The following ESRRG variants were observed in gnomAD, a reference collection of about 807,000 sequenced individuals.
ESRRG encodes estrogen related receptor gamma, also known as estrogen-related receptor gamma.
A neutral mutation model predicts 44.0 loss-of-function variants in ESRRG; 13 were observed. That is an observed-to-expected ratio of 0.30 (90% CI 0.19 to 0.47). The LOEUF is 0.47. Ranked by LOEUF, ESRRG falls within the 20% of genes least tolerant of loss-of-function variation. ESRRG has a pLI of 1.00. For missense variants in ESRRG, 395 were observed against 580.6 expected, an observed-to-expected ratio of 0.68 and a Z score of 3.29; for synonymous variants, 215 against 214.6, an observed-to-expected ratio of 1.00 and a Z score of -0.02.
At chr1:217,045,590 G>A (rs886372921) in intron 1 of ESRRG, among the ~76,000 whole-genome samples, 1 of 152,222 alleles carries the variant, frequency 6.6e-6, no homozygotes, top group African/African-American at 2.4e-5. Context: ...GGAGGCACGA[G>A]GTTGCCCCAG....
chr1:216,679,647 T>TTA (rs1553491458), intron 1 of ESRRG, among the ~76,000 whole-genome samples: 1 of 151,218 alleles, frequency 6.6e-6, no homozygotes. Flanking sequence ...TTTTTTTTTT[T>TTA]ATCCAGAGGA....
intron 2 of ESRRG, among the ~76,000 whole-genome samples, chr1:216,871,851 A>C (rs2096264010): frequency 6.6e-6 from 1 of 152,080 alleles, no homozygotes; most frequent in East Asian, 1.9e-4. Context: ...AGAGAACTCA[A>C]GAGGAAAAGA....
chr1:216,707,156 CCTT>C (rs1338928515), intron 1 of ESRRG, among the ~76,000 whole-genome samples: 3 of 152,176 alleles, frequency 2.0e-5, no homozygotes, highest in African/African-American at 7.2e-5. Flanking sequence ...ACAACATAAA[CCTT>C]CTAGAGTTCA....
At chr1:217,112,900 A>G (rs2092675941) in intron 1 of ESRRG, among the ~76,000 whole-genome samples, 1 of 152,218 alleles carries the variant, frequency 6.6e-6, no homozygotes, top group Non-Finnish European at 1.5e-5. Context: ...GAGAATGTGT[A>G]AGCATCTGAA....
intron 1 of ESRRG, among the ~76,000 whole-genome samples, chr1:216,958,523 T>C (rs1406167014): frequency 1.3e-5 from 2 of 152,318 alleles, no homozygotes; most frequent in East Asian, 1.9e-4. Flanking sequence ...CTGATGATGA[T>C]TGTGAATATA....
At chr1:217,048,457 C>A (rs2085297853) in intron 1 of ESRRG, among the ~76,000 whole-genome samples, 1 of 152,142 alleles carries the variant, frequency 6.6e-6, no homozygotes, top group Non-Finnish European at 1.5e-5. Context: ...CAGAGTTCAA[C>A]TGCAAATGGA....
At chr1:217,115,495 A>T (rs1475334611) in intron 1 of ESRRG, among the ~76,000 whole-genome samples, 1 of 151,966 alleles carries the variant, frequency 6.6e-6, no homozygotes, top group Admixed American at 6.6e-5. Context: ...TGCATATCCT[A>T]TGCTCATCCC....
intron 5 of ESRRG, among the ~76,000 whole-genome samples, chr1:216,542,713 C>T (rs2053269020): frequency 6.6e-6 from 1 of 151,976 alleles, no homozygotes; most frequent in African/African-American, 2.4e-5. Context: ...GAATTCCACA[C>T]AAAAATACAT....
intron 1 of ESRRG, among the ~76,000 whole-genome samples, chr1:217,112,923 A>G (rs374470486): frequency 1.3e-3 from 198 of 152,354 alleles, no homozygotes; most frequent in African/African-American, 4.3e-3. Context: ...GTGTTAATCT[A>G]TAGGAGCCTC....
chr1:216,564,938 G>A (rs2059418995), intron 4 of ESRRG, among the ~76,000 whole-genome samples: 1 of 151,982 alleles, frequency 6.6e-6, no homozygotes, highest in Admixed American at 6.6e-5. Flanking sequence ...ATCTCCGTGG[G>A]ATGCATTAAA....
intron 5 of ESRRG, among the ~76,000 whole-genome samples, chr1:216,553,832 CA>C (rs1227518080): frequency 4.6e-5 from 7 of 151,862 alleles, no homozygotes; most frequent in Admixed American, 1.3e-4. Context: ...AATAACCTGG[CA>C]AAAATTAATA....
chr1:216,850,508 C>T (rs1344637272), intron 2 of ESRRG, among the ~76,000 whole-genome samples: 1 of 151,998 alleles, frequency 6.6e-6, no homozygotes, highest in African/African-American at 2.4e-5. Context: ...GAAGTTGCAC[C>T]ATGTCTGGAA....
At chr1:216,889,522 G>C (rs1037826003) in intron 2 of ESRRG, among the ~76,000 whole-genome samples, 1 of 152,130 alleles carries the variant, frequency 6.6e-6, no homozygotes, top group Non-Finnish European at 1.5e-5. Context: ...AAATTAATCT[G>C]TTTATAAAAG....
intron 1 of ESRRG, among the ~76,000 whole-genome samples, chr1:216,962,297 G>T (rs1344250016): frequency 1.3e-5 from 2 of 152,078 alleles, no homozygotes; most frequent in Non-Finnish European, 1.5e-5. Context: ...TGGTGACCTG[G>T]TTATTTCCTC....
chr1:216,821,310 A>C (rs1004868483), intron 2 of ESRRG, among the ~76,000 whole-genome samples: 2 of 152,092 alleles, frequency 1.3e-5, no homozygotes, highest in African/African-American at 4.8e-5. Flanking sequence ...TTTGCTGGGA[A>C]ATATTCTAAA....
chr1:216,910,639 C>T (rs942712370), intron 2 of ESRRG, among the ~76,000 whole-genome samples: 7 of 152,126 alleles, frequency 4.6e-5, no homozygotes, highest in African/African-American at 1.7e-4. Flanking sequence ...TGACAGAAGG[C>T]TATTATACTC....
intron 5 of ESRRG, among the ~76,000 whole-genome samples, chr1:216,525,902 T>A (rs2047510137): frequency 6.6e-6 from 1 of 152,106 alleles, no homozygotes; most frequent in Non-Finnish European, 1.5e-5. Flanking sequence ...GAACCAGATA[T>A]CTAAACACTA....
In ESRRG at chr1:216,883,386, GAAAAAAAAAA is replaced by G. The variant is rs11318094; in HGVS notation, c.-14+56186_-14+56195del. Among the ~76,000 whole-genome samples, 35 of 75,878 alleles carry G rather than the reference GAAAAAAAAAA, an allele frequency of 4.6e-4. 1 individual carries two copies. Among genetic ancestry groups the G allele is most frequent in the African/African-American group, 7.7e-4 (18 of 23,252 alleles). 49.8% of individuals were successfully genotyped at this position (75,878 alleles called of 152,430 possible). A position where few individuals can be genotyped will look rare whatever the true frequency, so the allele number is the denominator to read the frequency against. On this transcript the variant is annotated intron_variant, in intron 2 of 7. Transcript: ENST00000359162. ...GGGGACAAGAGCGAGACTTCTCTGA[GAAAAAAAAAA>G]AAAAAAAAAAAAAAAAAAGATACAT...
At chr1:216,574,984 G>T (rs532040730) in intron 3 of ESRRG, among the ~76,000 whole-genome samples, 2 of 152,150 alleles carry the variant, frequency 1.3e-5, no homozygotes, top group African/African-American at 4.8e-5. Flanking sequence ...TTCTATGAGG[G>T]AACCATCATA....
Sources: allele counts gnomAD v4.1 joint callset (sites outside exome capture counted in the v4.1 genomes callset), GRCh38; gene constraint gnomAD v4.1.1; transcripts MANE v1.5; gene names NCBI Gene and HGNC (gene_info 2026-07-23, HGNC 2026-07-21).